Variants in RGS17 observed in about 807,000 individuals in gnomAD.
RGS17 encodes regulator of G protein signaling 17, also known as regulator of G-protein signaling 17.
In RGS17, 12 loss-of-function variants were observed where a neutral mutation model predicts 25.5. The ratio of observed to expected loss-of-function variants is 0.47; its 90% CI spans 0.30 to 0.76. RGS17 has a LOEUF of 0.76. Ranked by LOEUF, RGS17 falls within the 30% of genes least tolerant of loss-of-function variation. The probability of loss-of-function intolerance (pLI) is 0.07; values close to 1 mark genes in which losing one functional copy is unlikely to be tolerated. For synonymous variants in RGS17, 71 were observed against 76.9 expected (o/e 0.92, Z 0.40); for missense variants, 196 against 242.2 (o/e 0.81, Z 1.27).
At chr6:153,015,544 C>T (rs1161680808) in intron 4 of RGS17, among the ~76,000 whole-genome samples, 1 of 152,014 alleles carries the variant, frequency 6.6e-6, no homozygotes, top group Non-Finnish European at 1.5e-5. Flanking sequence ...TGACTGTTAG[C>T]GGTTTTTATC....
At chr6:153,062,940 T>G (rs1016369729) in intron 1 of RGS17, among the ~76,000 whole-genome samples, 1 of 152,094 alleles carries the variant, frequency 6.6e-6, no homozygotes, top group Admixed American at 6.6e-5. Context: ...CTGGCAGGAT[T>G]CATCACCTGC....
chr6:153,021,680 C>A (rs1030890269), intron 4 of RGS17, among the ~76,000 whole-genome samples: 1 of 152,094 alleles, frequency 6.6e-6, no homozygotes, highest in African/African-American at 2.4e-5. Flanking sequence ...AATTACAAGT[C>A]GGCAAAATTA....
intron 3 of RGS17, among the ~76,000 whole-genome samples, chr6:153,025,657 AAAACATATATATATAAACATATATAT>A (rs1562314393): frequency 2.1e-5 from 3 of 140,232 alleles, no homozygotes; most frequent in African/African-American, 8.0e-5. Context: ...TATATATATA[AAAACATATATATATAAACATATATAT>A]AAACATATAT....
At chr6:153,074,326 A>C (rs1183335698) in intron 1 of RGS17, among the ~76,000 whole-genome samples, 1 of 152,084 alleles carries the variant, frequency 6.6e-6, no homozygotes, top group Non-Finnish European at 1.5e-5. Flanking sequence ...TGCTCTGTTG[A>C]TTGCAAGTTA....
chr6:153,007,866 C>G lies in RGS17; in HGVS notation c.*3708G>C, dbSNP rs971954221. 3 of 152,178 alleles carry G rather than the reference C, an allele frequency of 2.0e-5. No individual in the cohort carries two copies. Among genetic ancestry groups the G allele is most frequent in the Admixed American group, 1.3e-4 (2 of 15,270 alleles). 9.4% of individuals were successfully genotyped at this position (152,178 alleles called of 1,614,324 possible). The stretch of plus-strand genomic sequence containing the variant: ...TTGGCTTCCCAAAGTGCTGGGATTA[C>G]AGGCTTGAGCCACTGTGCCTGGCCA... On this transcript the variant is annotated 3_prime_UTR_variant, in exon 5 of 5. Transcript: ENST00000206262.
chr6:153,020,815 G>A (rs1779241235), intron 4 of RGS17, among the ~76,000 whole-genome samples: 1 of 152,182 alleles, frequency 6.6e-6, no homozygotes, highest in Non-Finnish European at 1.5e-5. Flanking sequence ...AGAAAGCCAA[G>A]ATTGTCTAGC....
intron 1 of RGS17, among the ~76,000 whole-genome samples, chr6:153,075,449 G>C (rs1029904714): frequency 6.6e-6 from 1 of 152,144 alleles, no homozygotes; most frequent in Non-Finnish European, 1.5e-5. Flanking sequence ...CCTCTACCCT[G>C]TCTGATGTGG....
At chr6:153,046,849 C>A (rs1189393298) in intron 1 of RGS17, among the ~76,000 whole-genome samples, 1 of 151,958 alleles carries the variant, frequency 6.6e-6, no homozygotes, top group Non-Finnish European at 1.5e-5. Context: ...CTCCCTAGAA[C>A]TGGAAGAAAA....
At chr6:153,070,237 G>A (rs1776768339) in intron 1 of RGS17, among the ~76,000 whole-genome samples, 1 of 152,010 alleles carries the variant, frequency 6.6e-6, no homozygotes, top group South Asian at 2.1e-4. Flanking sequence ...TTTGGTGGGG[G>A]TGTGGGGAAG....
chr6:153,054,016 ATGT>A (rs2129112609), intron 1 of RGS17, among the ~76,000 whole-genome samples: 3 of 34,528 alleles, frequency 8.7e-5, no homozygotes, highest in African/African-American at 2.1e-4. Flanking sequence ...ATACGTATAT[ATGT>A]ATATAATATA....
intron 2 of RGS17, among the ~76,000 whole-genome samples, chr6:153,036,015 T>C (rs1776234744): frequency 1.3e-5 from 2 of 152,146 alleles, no homozygotes; most frequent in Admixed American, 1.3e-4. Flanking sequence ...AGACTTCCCT[T>C]TGTGAAACTC....
chr6:153,078,249 T>G (rs1776915541), intron 1 of RGS17, among the ~76,000 whole-genome samples: 1 of 152,198 alleles, frequency 6.6e-6, no homozygotes, highest in African/African-American at 2.4e-5. Context: ...AAAATTGTTT[T>G]GGATAGTCTG....
At chr6:153,019,307 A>T (rs1293617454) in intron 4 of RGS17, among the ~76,000 whole-genome samples, 2 of 152,038 alleles carry the variant, frequency 1.3e-5, no homozygotes, top group Non-Finnish European at 2.9e-5. Flanking sequence ...TTCAATTCAG[A>T]TACATATCTT....
At chr6:153,032,574 G>GAA (rs10531899) in intron 2 of RGS17, among the ~76,000 whole-genome samples, 9 of 144,986 alleles carry the variant, frequency 6.2e-5, no homozygotes, top group Non-Finnish European at 9.2e-5. Flanking sequence ...ACCCTTATTT[G>GAA]AAAAAAAAAA....
intron 1 of RGS17, among the ~76,000 whole-genome samples, chr6:153,071,157 C>G (rs2129117237): frequency 6.7e-6 from 1 of 149,860 alleles, no homozygotes; most frequent in Admixed American, 6.7e-5. Flanking sequence ...TGTATATGTA[C>G]ATATACACAC....
intron 4 of RGS17, among the ~76,000 whole-genome samples, chr6:153,012,561 A>G (rs144529337): frequency 1.7e-4 from 26 of 152,312 alleles, no homozygotes; most frequent in Non-Finnish European, 3.2e-4. Flanking sequence ...ACATGTTGGA[A>G]AGGGAAATGG....
At chr6:153,073,504 G>C (rs949088732) in intron 1 of RGS17, among the ~76,000 whole-genome samples, 4 of 152,130 alleles carry the variant, frequency 2.6e-5, no homozygotes, top group African/African-American at 9.7e-5. Flanking sequence ...TTTAAAAACG[G>C]TGTTGGCAAA....
At chr6:153,086,108 T>G (rs1045258411) in intron 1 of RGS17, among the ~76,000 whole-genome samples, 10 of 152,204 alleles carry the variant, frequency 6.6e-5, no homozygotes, top group African/African-American at 1.7e-4. Context: ...AATTATTTTA[T>G]AAATTTAATC....
intron 1 of RGS17, among the ~76,000 whole-genome samples, chr6:153,053,953 CATATATATTATAT>C (rs749972436): frequency 0.25 from 13,117 of 51,682 alleles, 2,450 homozygotes; most frequent in African/African-American, 0.36. Context: ...AATATATATA[CATATATATTATAT>C]ACATATATAT....
Sources: gnomAD v4.1 joint callset for allele counts (sites outside exome capture counted in the v4.1 genomes callset) on GRCh38, gnomAD v4.1.1 for gene constraint, MANE v1.5 for transcripts, NCBI Gene and HGNC (gene_info 2026-07-23, HGNC 2026-07-21) for gene names.